The following TASP1 variants were observed in gnomAD, a reference collection of about 807,000 sequenced individuals.
The protein encoded by TASP1 is threonine aspartase 1.
TASP1 carries 16 observed loss-of-function variants against 56.6 expected under a neutral mutation model. The ratio of observed to expected loss-of-function variants is 0.28; its 90% CI spans 0.19 to 0.43. TASP1 has a LOEUF of 0.43. TASP1 is among the 20% of genes least tolerant of loss of function. TASP1 has a pLI of 1.00. For missense variants in TASP1, 393 were observed against 511.6 expected (o/e 0.77, Z 2.24); for synonymous variants, 179 against 184.2 (o/e 0.97, Z 0.23).
chr20:13,219,844 C>T, the TASP1 span, among the ~76,000 whole-genome samples: 1 of 152,140 alleles, frequency 6.6e-6, no homozygotes, highest in South Asian at 2.1e-4. Context: ...AAGGGTTTGC[C>T]TTAATTTGGT....
At chr20:13,605,787 C>T (rs1294569859) in intron 4 of TASP1, among the ~76,000 whole-genome samples, 1 of 152,170 alleles carries the variant, frequency 6.6e-6, no homozygotes, top group Non-Finnish European at 1.5e-5. Flanking sequence ...ATAATCATGT[C>T]CAGTAAGTAG....
chr20:13,407,127 TTAAA>T (rs2041955421), intron 13 of TASP1, among the ~76,000 whole-genome samples: 1 of 152,212 alleles, frequency 6.6e-6, no homozygotes, highest in South Asian at 2.1e-4. Flanking sequence ...ATTCATCCAC[TTAAA>T]TAACTTTTCA....
chr20:13,306,564 CAAAAAAAA>C, the TASP1 span, among the ~76,000 whole-genome samples: 6 of 63,910 alleles, frequency 9.4e-5, no homozygotes, highest in East Asian at 5.3e-4. Flanking sequence ...GGAGAAAGGA[CAAAAAAAA>C]AAAAAAAAAA....
rs57341066 is a variant in TASP1, at chr20:13,509,163, G to GTGT, written c.874+19269_874+19270insACA. Among the ~76,000 whole-genome samples, 3 of 147,274 alleles carry GTGT rather than the reference G, an allele frequency of 2.0e-5. No homozygotes were observed. In the Admixed American group the frequency reaches 2.1e-4, roughly 10 times the overall value. Reference sequence around the variant, plus strand: ...TGTGTGTGTGTGTGTGTGTGTGTGTGATTTAGCCTTTAAAACCAAGAAAAT... The same window carrying GTGT: ...TGTGTGTGTGTGTGTGTGTGTGTGTGTGTATTTAGCCTTTAAAACCAAGAAAAT... On this transcript the variant is annotated intron_variant, in intron 10 of 13. Coordinates refer to ENST00000337743, the MANE Select transcript of TASP1 (RefSeq NM_017714.3).
Position 13,435,051 on chromosome 20 carries a change from T to A in TASP1, c.1089A>T (p.Thr363=). 6.2e-7 allele frequency: 1 copy of A among 1,609,308 alleles called. No homozygotes were observed. Among genetic ancestry groups the A allele is most frequent in the African/African-American group, 1.3e-5 (1 of 74,888 alleles). The change falls in exon 12 of 14, where the codon ACA becomes ACT. Residue 363 remains threonine, a synonymous_variant. Transcript: ENST00000337743. The stretch of plus-strand genomic sequence containing the variant: ...TGTATATGTCTCACTTACCTAGAAG[T>A]GTCTGCTTATTTTGGGAGGAGTCAG... ...AEPDSSQNKQ[T]LLVEFLWSHT...
the TASP1 span, among the ~76,000 whole-genome samples, chr20:13,381,336 T>C: frequency 6.6e-6 from 1 of 152,168 alleles, no homozygotes; most frequent in African/African-American, 2.4e-5. Context: ...AAGGGAGTTC[T>C]CCAACCCTTT....
chr20:13,453,145 A>G (rs2043687761), intron 11 of TASP1, among the ~76,000 whole-genome samples: 1 of 152,110 alleles, frequency 6.6e-6, no homozygotes, highest in African/African-American at 2.4e-5. Flanking sequence ...TCTATGGAGG[A>G]GGAGAAACAA....
intron 4 of TASP1, among the ~76,000 whole-genome samples, chr20:13,593,603 C>G (rs1347625898): frequency 2.0e-5 from 3 of 152,184 alleles, no homozygotes; most frequent in Non-Finnish European, 2.9e-5. Flanking sequence ...TCACTACTAG[C>G]GCAGCAGTCT....
chr20:13,531,619 G>T (rs1218017916), intron 9 of TASP1, among the ~76,000 whole-genome samples: 1 of 151,370 alleles, frequency 6.6e-6, no homozygotes, highest in Non-Finnish European at 1.5e-5. Flanking sequence ...GTCTCCCCAA[G>T]TAGCTGGGAT....
At chr20:13,550,984 A>G (rs549339169) in intron 8 of TASP1, among the ~76,000 whole-genome samples, 2 of 152,174 alleles carry the variant, frequency 1.3e-5, no homozygotes, top group Non-Finnish European at 2.9e-5. Context: ...TAATTTCAAG[A>G]TGGTGGATAA....
the TASP1 span, among the ~76,000 whole-genome samples, chr20:13,130,113 T>C: frequency 6.6e-6 from 1 of 152,374 alleles, no homozygotes; most frequent in South Asian, 2.1e-4. Flanking sequence ...CTGACACATC[T>C]TTTGAAGCAG....
intron 13 of TASP1, among the ~76,000 whole-genome samples, chr20:13,410,401 T>C (rs2042057336): frequency 6.6e-6 from 1 of 152,200 alleles, no homozygotes; most frequent in Non-Finnish European, 1.5e-5. Context: ...TTGAGAAATC[T>C]CCATATTGTT....
At chr20:13,224,841 C>CTTT in the TASP1 span, among the ~76,000 whole-genome samples, 247 of 107,138 alleles carry the variant, frequency 2.3e-3, no homozygotes, top group East Asian at 2.8e-3. Flanking sequence ...AGCTTTCTTT[C>CTTT]TTTTTTTTTT....
intron 7 of TASP1, among the ~76,000 whole-genome samples, chr20:13,566,636 CA>C (rs1402034490): frequency 6.6e-6 from 1 of 150,958 alleles, no homozygotes; most frequent in Non-Finnish European, 1.5e-5. Flanking sequence ...CAAAATTATA[CA>C]AATGTAAAAT....
At chr20:13,268,221 T>C in the TASP1 span, among the ~76,000 whole-genome samples, 2 of 150,458 alleles carry the variant, frequency 1.3e-5, no homozygotes, top group South Asian at 2.1e-4. Context: ...GCTCCTTCTC[T>C]TTCTCTCTTC....
chr20:13,374,349 A>AT, the TASP1 span, among the ~76,000 whole-genome samples: 6,485 of 142,270 alleles, frequency 0.046, 310 homozygotes, highest in African/African-American at 0.13. Context: ...CTGTCTCGTA[A>AT]TTTTTTTTTT....
chr20:13,556,305 C>G (rs1237384878), intron 8 of TASP1, among the ~76,000 whole-genome samples: 1 of 152,128 alleles, frequency 6.6e-6, no homozygotes, highest in Admixed American at 6.5e-5. Flanking sequence ...ATCTCCATCC[C>G]TATCACCTAC....
At chr20:13,443,926 GACAA>G (rs1444438898) in intron 11 of TASP1, among the ~76,000 whole-genome samples, 1 of 152,138 alleles carries the variant, frequency 6.6e-6, no homozygotes, top group Non-Finnish European at 1.5e-5. Flanking sequence ...GTTAGGATTA[GACAA>G]ACAAATCCAC....
At chr20:13,570,672 T>C (rs116942337) in intron 6 of TASP1, among the ~76,000 whole-genome samples, 1,827 of 152,072 alleles carry the variant, frequency 0.012, 17 homozygotes, top group Non-Finnish European at 0.021. Context: ...CCAATGAGAA[T>C]AAACAACTTT....
Sources: allele counts gnomAD v4.1 joint callset (sites outside exome capture counted in the v4.1 genomes callset), GRCh38; gene constraint gnomAD v4.1.1; transcripts MANE v1.5; gene names NCBI Gene and HGNC (gene_info 2026-07-23, HGNC 2026-07-21).